CTNNA3: variants seen among roughly 807,000 people sequenced by gnomAD.
CTNNA3 encodes catenin alpha-3.
A neutral mutation model predicts 95.7 loss-of-function variants in CTNNA3; 76 were observed. The observed-to-expected ratio is 0.79, with a 90% confidence interval of 0.66 to 0.96. CTNNA3 has a LOEUF of 0.96. Among genes scored for constraint, CTNNA3 ranks in the 40% least tolerant of loss-of-function variants. The pLI, the probability that CTNNA3 is intolerant of heterozygous loss-of-function variation, is 0.00. For synonymous variants in CTNNA3, 431 were observed against 374.4 expected (o/e 1.15, Z -1.74); for missense variants, 1,191 against 1,089.8 (o/e 1.09, Z -1.31).
intron 5 of CTNNA3, among the ~76,000 whole-genome samples, chr10:67,278,881 C>T (rs1366182698): frequency 2.0e-5 from 3 of 152,086 alleles, no homozygotes; most frequent in Non-Finnish European, 2.9e-5. Context: ...AAATAAAACC[C>T]ATCTGATGAG....
At chr10:67,568,232 G>GTTT (rs61503691) in intron 3 of CTNNA3, among the ~76,000 whole-genome samples, 4 of 145,422 alleles carry the variant, frequency 2.8e-5, no homozygotes, top group South Asian at 2.2e-4. Flanking sequence ...GCTACAGACT[G>GTTT]TTTTTTTTTT....
At chr10:67,521,587 C>A (rs1276641691) in intron 5 of CTNNA3, among the ~76,000 whole-genome samples, 1 of 152,140 alleles carries the variant, frequency 6.6e-6, no homozygotes, top group African/African-American at 2.4e-5. Flanking sequence ...TGGATTTTCA[C>A]AAACCAGCAG....
intron 17 of CTNNA3, among the ~76,000 whole-genome samples, chr10:65,934,710 C>T (rs1163428807): frequency 1.3e-5 from 2 of 151,854 alleles, no homozygotes; most frequent in East Asian, 3.9e-4. Flanking sequence ...AAAATATGGG[C>T]AGAGAGGTCA....
At chr10:66,586,541 T>A (rs1843365688) in intron 10 of CTNNA3, among the ~76,000 whole-genome samples, 2 of 152,102 alleles carry the variant, frequency 1.3e-5, no homozygotes, top group African/African-American at 2.4e-5. Context: ...TAAAGAAGGG[T>A]TGTAGCTCTA....
chr10:66,906,847 G>T (rs933920609), intron 7 of CTNNA3, among the ~76,000 whole-genome samples: 1 of 151,962 alleles, frequency 6.6e-6, no homozygotes, highest in Non-Finnish European at 1.5e-5. Context: ...TGAGGGTGGG[G>T]TATAACTGGG....
intron 7 of CTNNA3, among the ~76,000 whole-genome samples, chr10:67,134,618 C>A (rs1463504996): frequency 6.6e-6 from 1 of 152,092 alleles, no homozygotes. Context: ...TGGAAATCTG[C>A]ATCCATTCAG....
chr10:66,417,353 C>T lies in CTNNA3; in HGVS notation c.1532-38001G>A, dbSNP rs78185835. 4.8e-3 allele frequency among the ~76,000 whole-genome samples: 727 copies of T among 152,006 alleles called. 4 individuals carry two copies. The highest frequency in any genetic ancestry group is 0.016 in the African/African-American group (668 of 41,510). ...AATAACAATTCTAAATATATATGCA[C>T]CCAAAACTGGAACACCCGGATTCAT... On this transcript the variant is annotated intron_variant, in intron 11 of 17. Coordinates refer to ENST00000433211, the MANE Select transcript of CTNNA3 (RefSeq NM_013266.4).
chr10:66,118,094 C>G (rs2082413505), intron 13 of CTNNA3, among the ~76,000 whole-genome samples: 2 of 150,842 alleles, frequency 1.3e-5, no homozygotes, highest in Non-Finnish European at 3.0e-5. Context: ...CCTATACTTC[C>G]TCTTATATAC....
intron 7 of CTNNA3, among the ~76,000 whole-genome samples, chr10:67,046,299 C>T (rs1455824296): frequency 1.3e-5 from 2 of 152,144 alleles, no homozygotes; most frequent in South Asian, 2.1e-4. Context: ...CTCAGGGCCA[C>T]GTTGCTACCA....
chr10:67,133,069 A>G (rs1281865240), intron 7 of CTNNA3, among the ~76,000 whole-genome samples: 2 of 151,704 alleles, frequency 1.3e-5, no homozygotes, highest in African/African-American at 4.8e-5. Flanking sequence ...AGAAGAGAGG[A>G]CTTGAAATGA....
chr10:66,113,155 T>C (rs1378129410), intron 13 of CTNNA3, among the ~76,000 whole-genome samples: 1 of 152,184 alleles, frequency 6.6e-6, no homozygotes, highest in African/African-American at 2.4e-5. Context: ...CTGTTGATAA[T>C]AGGTATCCTA....
At chr10:66,474,621 T>C (rs1006847819) in intron 11 of CTNNA3, among the ~76,000 whole-genome samples, 2 of 152,016 alleles carry the variant, frequency 1.3e-5, no homozygotes, top group African/African-American at 4.8e-5. Context: ...GAGACTTACA[T>C]TCTGTTTTTC....
At chr10:66,832,700 T>C (rs1842761973) in intron 7 of CTNNA3, among the ~76,000 whole-genome samples, 1 of 151,794 alleles carries the variant, frequency 6.6e-6, no homozygotes, top group African/African-American at 2.4e-5. Context: ...TTCTAGCTAG[T>C]AGCAATCCAG....
chr10:67,609,080 A>C (rs1371571869), intron 2 of CTNNA3, among the ~76,000 whole-genome samples: 2 of 133,530 alleles, frequency 1.5e-5, no homozygotes, highest in East Asian at 4.6e-4. Context: ...ACAAGGGCAA[A>C]ACTCTATCTC....
At chr10:66,407,486 T>C (rs1043546185) in intron 11 of CTNNA3, among the ~76,000 whole-genome samples, 1 of 152,126 alleles carries the variant, frequency 6.6e-6, no homozygotes, top group African/African-American at 2.4e-5. Flanking sequence ...TCCAGATATT[T>C]GAATATTCCT....
At chr10:66,916,993 C>A (rs1176676002) in intron 7 of CTNNA3, among the ~76,000 whole-genome samples, 1 of 152,202 alleles carries the variant, frequency 6.6e-6, no homozygotes, top group African/African-American at 2.4e-5. Flanking sequence ...GCCACAGTAT[C>A]AAATGGTCAT....
At chr10:67,755,814 A>AG (rs1242984591) in intron 1 of CTNNA3, among the ~76,000 whole-genome samples, 1 of 151,060 alleles carries the variant, frequency 6.6e-6, no homozygotes, top group East Asian at 1.9e-4. Flanking sequence ...AAAAAAAAAA[A>AG]AAAAAAAAGA....
In CTNNA3 at chr10:66,331,509, A is replaced by G. The variant is rs760517669; in HGVS notation, c.1732+47643T>C. Among the ~76,000 whole-genome samples, 3 of 151,180 alleles carry G rather than the reference A, an allele frequency of 2.0e-5. 1 individual carries two copies. The highest frequency in any genetic ancestry group is 4.4e-5 in the Non-Finnish European group (3 of 67,762). On this transcript the variant is annotated intron_variant, in intron 12 of 17. Coordinates refer to ENST00000433211, the MANE Select transcript of CTNNA3 (RefSeq NM_013266.4). ...GCTGGGACTACAGGCGCGCACCACC[A>G]TGCCCGGCTAATTTTTGTATTTTTA...
intron 7 of CTNNA3, among the ~76,000 whole-genome samples, chr10:66,832,625 A>G (rs968990531): frequency 2.6e-5 from 4 of 151,074 alleles, no homozygotes; most frequent in African/African-American, 4.9e-5. Context: ...GGATATATCA[A>G]TTTTCAAAAA....
Sources: allele counts gnomAD v4.1 joint callset (sites outside exome capture counted in the v4.1 genomes callset), GRCh38; gene constraint gnomAD v4.1.1; transcripts MANE v1.5; gene names NCBI Gene and HGNC (gene_info 2026-07-23, HGNC 2026-07-21).